CTNNA2: variants seen among roughly 807,000 people sequenced by gnomAD.
CTNNA2 encodes catenin alpha 2.
Under a neutral mutation model 101.0 loss-of-function variants are expected in CTNNA2, and 42 were observed. The ratio of observed to expected loss-of-function variants is 0.42; its 90% CI spans 0.32 to 0.54. The LOEUF is 0.54. CTNNA2 is among the 20% of genes least tolerant of loss of function. CTNNA2 has a pLI of 0.14. For missense variants in CTNNA2, 871 were observed against 1,223.1 expected (o/e 0.71, Z 4.29); for synonymous variants, 450 against 456.4 (o/e 0.99, Z 0.18).
At chr2:79,843,759 C>G (rs1490168992) in intron 3 of CTNNA2, among the ~76,000 whole-genome samples, 1 of 152,208 alleles carries the variant, frequency 6.6e-6, no homozygotes, top group African/African-American at 2.4e-5. Context: ...TTGTTCAAAA[C>G]CAGTTCTCGT....
intron 1 of CTNNA2, among the ~76,000 whole-genome samples, chr2:79,528,676 T>C (rs1056200746): frequency 6.6e-6 from 1 of 152,196 alleles, no homozygotes; most frequent in African/African-American, 2.4e-5. Context: ...ATGTATTTTT[T>C]CACTAGAGTT....
chr2:79,214,769 T>A (rs1264170567), intron 2 of CTNNA2, among the ~76,000 whole-genome samples: 1 of 152,006 alleles, frequency 6.6e-6, no homozygotes, highest in East Asian at 1.9e-4. Flanking sequence ...GCAGATAATT[T>A]GGTTAAAATA....
upstream of CTNNA2, among the ~76,000 whole-genome samples, chr2:79,508,301 C>T (rs144705337): frequency 8.0e-3 from 1,223 of 152,192 alleles, 11 homozygotes; most frequent in African/African-American, 0.028. Context: ...CAGTCATTTG[C>T]TTTTGAAAGA....
At chr2:80,368,665 C>G (rs982130357) in intron 7 of CTNNA2, among the ~76,000 whole-genome samples, 3 of 151,308 alleles carry the variant, frequency 2.0e-5, no homozygotes, top group Admixed American at 2.0e-4. Flanking sequence ...TGGGAGATGT[C>G]AAATTTTCCT....
chr2:80,371,545 G>A (rs1675441566), intron 7 of CTNNA2, among the ~76,000 whole-genome samples: 1 of 142,076 alleles, frequency 7.0e-6, no homozygotes, highest in Non-Finnish European at 1.5e-5. Flanking sequence ...TAATGTTTGA[G>A]GAAATCAGGG....
chr2:80,230,986 T>C (rs1242426221), intron 7 of CTNNA2, among the ~76,000 whole-genome samples: 1 of 152,060 alleles, frequency 6.6e-6, no homozygotes, highest in Non-Finnish European at 1.5e-5. Flanking sequence ...TGTTTTGTTT[T>C]TATGGGCCAG....
At chr2:79,192,804 C>A (rs551388204) in intron 1 of CTNNA2, among the ~76,000 whole-genome samples, 3 of 151,850 alleles carry the variant, frequency 2.0e-5, no homozygotes, top group Non-Finnish European at 2.9e-5. Flanking sequence ...TGTAGATTTT[C>A]TATTAAATTG....
chr2:80,537,616 G>A (rs963387693), intron 9 of CTNNA2, among the ~76,000 whole-genome samples: 15 of 148,266 alleles, frequency 1.0e-4, no homozygotes, highest in African/African-American at 1.8e-4. Context: ...TTTTTGAAAC[G>A]GGGTTTTACT....
rs985375049 is a variant in CTNNA2, at chr2:79,595,269, G to A, written c.-5-56283G>A. Among the ~76,000 whole-genome samples the A allele has an allele frequency of 3.9e-5, 6 of 151,958 alleles. No individual in the cohort carries two copies. The East Asian group carries it at 5.8e-4, about 15-fold the overall frequency. The stretch of plus-strand genomic sequence containing the variant: ...TTTCCTCCAGGTCCCATTTTTCACC[G>A]TGATCCCTTGTTCTACGTATGTTCC... On this transcript the variant is annotated intron_variant, in intron 1 of 18. Coordinates refer to ENST00000402739, the MANE Select transcript of CTNNA2 (RefSeq NM_001282597.3).
chr2:80,031,620 A>T (rs1463582798), intron 7 of CTNNA2, among the ~76,000 whole-genome samples: 1 of 152,246 alleles, frequency 6.6e-6, no homozygotes, highest in Non-Finnish European at 1.5e-5. Flanking sequence ...TGTTGGGGAC[A>T]CGGCCAAACT....
At position 80,511,020 on chromosome 2, in the gene CTNNA2, G is replaced by A. The variant is rs1288102197; in HGVS notation, c.1291-33962G>A. Among the ~76,000 whole-genome samples the A allele has an allele frequency of 2.0e-5, 3 of 152,164 alleles. No individual in the cohort carries two copies. In the East Asian group the frequency reaches 5.8e-4, roughly 29 times the overall value. On this transcript the variant is annotated intron_variant, in intron 9 of 18. Coordinates refer to ENST00000402739, the MANE Select transcript of CTNNA2 (RefSeq NM_001282597.3). ...CTTTAATATCATCTCTCAGGGAAGG[G>A]AAGGCTTTGGTGGCAACTTACAAAA... is the stretch of plus-strand genomic sequence containing the variant.
chr2:80,447,189 T>G (rs1031752268), intron 9 of CTNNA2, among the ~76,000 whole-genome samples: 6 of 152,214 alleles, frequency 3.9e-5, no homozygotes, highest in South Asian at 4.1e-4. Context: ...AGTCCAGATT[T>G]TCTTCTGCAA....
chr2:80,001,656 A>G (rs1221924375), intron 7 of CTNNA2, among the ~76,000 whole-genome samples: 2 of 152,120 alleles, frequency 1.3e-5, no homozygotes, highest in African/African-American at 4.8e-5. Context: ...AAAGGGAGAG[A>G]GAAGAACTAG....
chr2:80,251,415 G>C (rs1221692136), intron 7 of CTNNA2, among the ~76,000 whole-genome samples: 1 of 152,122 alleles, frequency 6.6e-6, no homozygotes, highest in Non-Finnish European at 1.5e-5. Context: ...TCTGTTCAGA[G>C]GCCCCCACCA....
At chr2:80,085,608 GT>G (rs1699390711) in intron 7 of CTNNA2, among the ~76,000 whole-genome samples, 1 of 151,958 alleles carries the variant, frequency 6.6e-6, no homozygotes, top group Admixed American at 6.6e-5. Flanking sequence ...AAAAGGCATA[GT>G]TTGTTTAAAA....
chr2:79,361,802 T>C (rs62156649), intron 3 of CTNNA2, among the ~76,000 whole-genome samples: 2,313 of 152,162 alleles, frequency 0.015, 18 homozygotes, highest in Non-Finnish European at 0.024. Context: ...GAGAAAGATA[T>C]AGGTTGGGAG....
intron 15 of CTNNA2, chr2:80,601,873 T>TG (rs1371466045): frequency 6.6e-6 from 1 of 152,146 alleles, no homozygotes; most frequent in African/African-American, 2.4e-5. Flanking sequence ...TATTAATGTA[T>TG]GTAGTTAAGG....
At chr2:80,040,136 T>G (rs1290618030) in intron 7 of CTNNA2, among the ~76,000 whole-genome samples, 2 of 152,338 alleles carry the variant, frequency 1.3e-5, no homozygotes, top group Non-Finnish European at 2.9e-5. Context: ...TTTTGCCAAA[T>G]TCTAGGCTTC....
chr2:80,254,510 A>G (rs979751847), intron 7 of CTNNA2, among the ~76,000 whole-genome samples: 3 of 152,172 alleles, frequency 2.0e-5, no homozygotes, highest in Admixed American at 2.0e-4. Context: ...CCTTTGAACC[A>G]CATCAGAACA....
Sources: allele counts gnomAD v4.1 joint callset (sites outside exome capture counted in the v4.1 genomes callset), GRCh38; gene constraint gnomAD v4.1.1; transcripts MANE v1.5; gene names NCBI Gene and HGNC (gene_info 2026-07-23, HGNC 2026-07-21).